Variants in MECOM observed in about 807,000 individuals in gnomAD.
MECOM encodes the protein histone-lysine N-methyltransferase MECOM.
Under a neutral mutation model 116.3 loss-of-function variants are expected in MECOM, and 13 were observed. The observed-to-expected ratio is 0.11, with a 90% confidence interval of 0.07 to 0.18. MECOM has a LOEUF of 0.18. MECOM is among the 10% of genes least tolerant of loss of function. The pLI is 1.00. For synonymous variants in MECOM, 528 were observed against 535.2 expected (o/e 0.99, Z 0.19); for missense variants, 1,299 against 1,509.0 (o/e 0.86, Z 2.31).
intron 2 of MECOM, among the ~76,000 whole-genome samples, chr3:169,177,490 G>A (rs1347855494): frequency 6.6e-6 from 1 of 151,938 alleles, no homozygotes; most frequent in Non-Finnish European, 1.5e-5. Context: ...CGAGGGGAAG[G>A]AACTTAGAGG....
intron 1 of MECOM, among the ~76,000 whole-genome samples, chr3:169,454,998 G>A (rs986779359): frequency 2.5e-4 from 38 of 152,124 alleles, no homozygotes; most frequent in African/African-American, 8.7e-4. Context: ...CCATGTCTAT[G>A]TAGTGTCATC....
At chr3:169,627,273 C>G (rs1215155260) in intron 1 of MECOM, among the ~76,000 whole-genome samples, 1 of 152,174 alleles carries the variant, frequency 6.6e-6, no homozygotes, top group Non-Finnish European at 1.5e-5. Context: ...ATGTGGTTGG[C>G]CTCTGCAGAG....
intron 1 of MECOM, among the ~76,000 whole-genome samples, chr3:169,657,355 G>A (rs1337327306): frequency 1.3e-5 from 2 of 152,194 alleles, no homozygotes; most frequent in East Asian, 3.8e-4. Flanking sequence ...CATACAAATT[G>A]TGGAGATCTG....
chr3:169,271,597 G>A (rs553702534), intron 2 of MECOM, among the ~76,000 whole-genome samples: 28 of 152,248 alleles, frequency 1.8e-4, no homozygotes, highest in South Asian at 8.3e-4. Flanking sequence ...ATCACACACC[G>A]GGGCCTGTGG....
intron 1 of MECOM, among the ~76,000 whole-genome samples, chr3:169,455,577 T>G (rs1236101771): frequency 6.6e-6 from 1 of 152,190 alleles, no homozygotes; most frequent in Non-Finnish European, 1.5e-5. Flanking sequence ...AGAATGACTC[T>G]CATAATTCCG....
intron 1 of MECOM, among the ~76,000 whole-genome samples, chr3:169,508,692 A>G (rs1755597978): frequency 6.6e-6 from 1 of 152,172 alleles, no homozygotes; most frequent in Non-Finnish European, 1.5e-5. Context: ...AAAATAATAA[A>G]ATAAAATTAT....
intron 1 of MECOM, among the ~76,000 whole-genome samples, chr3:169,501,966 A>G (rs1754595943): frequency 6.6e-6 from 1 of 152,140 alleles, no homozygotes. Context: ...CACAAGAAAT[A>G]ACTGATAACA....
intron 2 of MECOM, among the ~76,000 whole-genome samples, chr3:169,272,819 C>A (rs1289073735): frequency 6.6e-6 from 1 of 152,130 alleles, no homozygotes; most frequent in Admixed American, 6.5e-5. Flanking sequence ...TACCCCATCC[C>A]TCACACTTTT....
chr3:169,327,338 A>T (rs79582603), intron 2 of MECOM, among the ~76,000 whole-genome samples: 3,008 of 152,296 alleles, frequency 0.02, 54 homozygotes, highest in Non-Finnish European at 0.033. Flanking sequence ...AAGTTAAAAA[A>T]TAAAAATTAA....
At chr3:169,419,232 A>C (rs1739280995) in intron 1 of MECOM, among the ~76,000 whole-genome samples, 1 of 152,230 alleles carries the variant, frequency 6.6e-6, no homozygotes, top group African/African-American at 2.4e-5. Flanking sequence ...CCACGGCTCA[A>C]GGAAATAAGA....
chr3:169,304,812 T>C (rs1168385481), intron 2 of MECOM, among the ~76,000 whole-genome samples: 6 of 152,128 alleles, frequency 3.9e-5, no homozygotes, highest in African/African-American at 7.2e-5. Context: ...CTCTGTTTTG[T>C]CTCTTAAAAT....
At chr3:169,462,030 A>AT (rs1747537524) in intron 1 of MECOM, among the ~76,000 whole-genome samples, 2 of 152,106 alleles carry the variant, frequency 1.3e-5, no homozygotes, top group Admixed American at 1.3e-4. Context: ...TCGCTAGTGT[A>AT]TTTCCAAATA....
chr3:169,510,737 C>A (rs1755861826), intron 1 of MECOM, among the ~76,000 whole-genome samples: 1 of 152,176 alleles, frequency 6.6e-6, no homozygotes, highest in South Asian at 2.1e-4. Context: ...GCTTTCAGAG[C>A]AGAAAAATGC....
In MECOM at chr3:169,315,234, C is replaced by A. The variant is rs561339879; in HGVS notation, c.375+65953G>T. ...AAGTCCAGAGGGCAACTGAGAAGGG[C>A]GGCAGGGGAGCCACCAAAATCAGCC... On this transcript the variant is annotated intron_variant, in intron 2 of 16. Transcript: ENST00000651503. Among the ~76,000 whole-genome samples the A allele has an allele frequency of 1.6e-4, 25 of 152,290 alleles. No individual in the cohort carries two copies. The South Asian group carries it at 5.0e-3, about 30-fold the overall frequency.
intron 1 of MECOM, among the ~76,000 whole-genome samples, chr3:169,458,780 T>C (rs1202225600): frequency 4.6e-5 from 7 of 152,176 alleles, no homozygotes; most frequent in Non-Finnish European, 4.4e-5. Flanking sequence ...CACACTGGAC[T>C]AAGGGTAGAG....
At chr3:169,304,313 C>G (rs1034051850) in intron 2 of MECOM, among the ~76,000 whole-genome samples, 3 of 152,162 alleles carry the variant, frequency 2.0e-5, no homozygotes, top group African/African-American at 7.2e-5. Context: ...TGTTGACTTA[C>G]TTTGTATTTT....
chr3:169,395,261 T>C (rs1387041091), intron 1 of MECOM, among the ~76,000 whole-genome samples: 1 of 152,178 alleles, frequency 6.6e-6, no homozygotes, highest in Non-Finnish European at 1.5e-5. Context: ...TCCAGCAATG[T>C]TTCTAGTTCA....
chr3:169,340,438 T>C (rs1038197517), intron 2 of MECOM, among the ~76,000 whole-genome samples: 3 of 152,206 alleles, frequency 2.0e-5, no homozygotes, highest in Non-Finnish European at 2.9e-5. Flanking sequence ...ATAGCTGCTG[T>C]GGATTTCAAG....
intron 2 of MECOM, among the ~76,000 whole-genome samples, chr3:169,325,004 A>G (rs1364889445): frequency 1.3e-5 from 2 of 151,914 alleles, no homozygotes; most frequent in Admixed American, 6.6e-5. Flanking sequence ...CACAGCTCAT[A>G]TTTTCCAGGC....
Sources: allele counts gnomAD v4.1 joint callset (sites outside exome capture counted in the v4.1 genomes callset), GRCh38; gene constraint gnomAD v4.1.1; transcripts MANE v1.5; gene names NCBI Gene and HGNC (gene_info 2026-07-23, HGNC 2026-07-21).